INSL6: variants seen among roughly 807,000 people sequenced by gnomAD.
INSL6 encodes insulin like 6.
Under a neutral mutation model 9.4 loss-of-function variants are expected in INSL6, and 16 were observed. The ratio of observed to expected loss-of-function variants is 1.70; its 90% CI spans 1.15 to 2.59. INSL6 has a LOEUF of 2.59. INSL6 is among the 30% of genes most tolerant of loss of function. The pLI, the probability that INSL6 is intolerant of heterozygous loss-of-function variation, is 0.00. For missense variants in INSL6, 391 were observed against 257.3 expected, an observed-to-expected ratio of 1.52 and a Z score of -3.56; for synonymous variants, 154 against 96.9, an observed-to-expected ratio of 1.59 and a Z score of -3.46.
chr9:5,082,606 G>A, the INSL6 span, among the ~76,000 whole-genome samples: 1 of 152,184 alleles, frequency 6.6e-6, no homozygotes, highest in East Asian at 1.9e-4. Flanking sequence ...GCTGGGGGAC[G>A]GTCAGGTCTT....
At chr9:5,117,942 T>A in the INSL6 span, among the ~76,000 whole-genome samples, 1 of 152,218 alleles carries the variant, frequency 6.6e-6, no homozygotes, top group African/African-American at 2.4e-5. Flanking sequence ...TAAAAGAATT[T>A]AGAAAAACCA....
intron 2 of INSL6, among the ~76,000 whole-genome samples, chr9:5,156,238 A>G (rs1218885118): frequency 6.6e-6 from 1 of 152,206 alleles, no homozygotes; most frequent in East Asian, 1.9e-4. Flanking sequence ...AGCCAAAATA[A>G]CTTTATTGGT....
At position 5,135,391 on chromosome 9, in the gene INSL6, C is replaced by T. The variant is rs1239216847; in HGVS notation, c.377-1799G>A. Among the ~76,000 whole-genome samples, 3 of 152,170 alleles carry T rather than the reference C, an allele frequency of 2.0e-5. No individual in the cohort carries two copies. The East Asian group carries it at 5.8e-4, about 29-fold the overall frequency. ...TAATTGGAAGTAAAACACTCATCAGCAAATGCAAAAGAACAGAAATCATAA... is the reference window on the plus strand; with the variant it reads ...TAATTGGAAGTAAAACACTCATCAGTAAATGCAAAAGAACAGAAATCATAA... On this transcript the variant is annotated intron_variant, in intron 2 of 3. Transcript: ENST00000649639.
At chr9:5,158,822 G>C (rs1385968137) in intron 2 of INSL6, among the ~76,000 whole-genome samples, 1 of 152,014 alleles carries the variant, frequency 6.6e-6, no homozygotes, top group African/African-American at 2.4e-5. Flanking sequence ...ACACTAACTG[G>C]TAATAGTAGG....
At chr9:5,070,477 A>T in the INSL6 span, among the ~76,000 whole-genome samples, 1 of 152,176 alleles carries the variant, frequency 6.6e-6, no homozygotes, top group African/African-American at 2.4e-5. Context: ...ATCTGAGGAT[A>T]CTTAAGTGGA....
the INSL6 span, chr9:5,041,103 C>T: frequency 9.2e-6 from 7 of 761,964 alleles, no homozygotes; most frequent in Admixed American, 6.3e-5. Context: ...AGGACCTGTT[C>T]GACCTTCACG....
At chr9:4,994,960 C>T in the INSL6 span, among the ~76,000 whole-genome samples, 1 of 150,328 alleles carries the variant, frequency 6.7e-6, no homozygotes, top group South Asian at 2.1e-4. Flanking sequence ...GTGTGTGTGA[C>T]TATAACTAAA....
At chr9:5,028,920 T>C in the INSL6 span, among the ~76,000 whole-genome samples, 1 of 152,230 alleles carries the variant, frequency 6.6e-6, no homozygotes, top group South Asian at 2.1e-4. Context: ...TGTCACATCA[T>C]CAATAAGGCT....
At chr9:5,001,648 G>GT in the INSL6 span, among the ~76,000 whole-genome samples, 1 of 146,766 alleles carries the variant, frequency 6.8e-6, no homozygotes, top group Admixed American at 6.7e-5. Flanking sequence ...TTTATGATGT[G>GT]TTTTTGCCAG....
chr9:5,087,212 G>A, the INSL6 span, among the ~76,000 whole-genome samples: 1 of 152,216 alleles, frequency 6.6e-6, no homozygotes, highest in Admixed American at 6.5e-5. Context: ...GTTACCCATG[G>A]CTGGGGAGGC....
At chr9:5,160,744 GA>G (rs1251317566), downstream of INSL6, among the ~76,000 whole-genome samples, 4 of 152,058 alleles carry the variant, frequency 2.6e-5, no homozygotes, top group South Asian at 2.1e-4. Flanking sequence ...TAAAATTAGA[GA>G]TAAAAAGGAG....
chr9:5,045,165 T>G, the INSL6 span, among the ~76,000 whole-genome samples: 26 of 152,300 alleles, frequency 1.7e-4, no homozygotes, highest in African/African-American at 6.0e-4. Context: ...GCTAGACTAG[T>G]AGGAATAGAA....
chr9:5,051,832 A>C, the INSL6 span, among the ~76,000 whole-genome samples: 1 of 152,074 alleles, frequency 6.6e-6, no homozygotes, highest in African/African-American at 2.4e-5. Context: ...CAGAGTATCA[A>C]TTTCTGTATT....
the INSL6 span, chr9:5,078,453 TAGA>T: frequency 6.2e-7 from 1 of 1,608,108 alleles, no homozygotes; most frequent in Non-Finnish European, 8.5e-7. Flanking sequence ...CAGTAAGTTC[TAGA>T]AGGATTATAT....
chr9:5,138,135 G>C (rs748671955), intron 2 of INSL6, among the ~76,000 whole-genome samples: 3 of 152,214 alleles, frequency 2.0e-5, no homozygotes, highest in Non-Finnish European at 2.9e-5. Flanking sequence ...CTGTTGGTGG[G>C]AGTGTAAATT....
chr9:5,089,739 C>T, the INSL6 span: 12 of 1,578,964 alleles, frequency 7.6e-6, no homozygotes, highest in South Asian at 1.2e-5. Context: ...GGGAGGTGGT[C>T]GCTGTAAAAA....
chr9:5,155,147 A>G lies in INSL6; in HGVS notation c.376+9032T>C, dbSNP rs552109443. On this transcript the variant is annotated intron_variant, in intron 2 of 3. Transcript: ENST00000649639. ...ACACCATGGACTACTATGCAGCCAT[A>G]AAAAATGATGAGTTCATGTCCTTTG... Among the ~76,000 whole-genome samples the G allele has an allele frequency of 4.8e-3, 730 of 151,762 alleles. 6 individuals carry two copies. Among genetic ancestry groups the G allele is most frequent in the African/African-American group, 0.017 (698 of 41,168 alleles).
chr9:5,105,051 C>A, the INSL6 span, among the ~76,000 whole-genome samples: 1 of 152,178 alleles, frequency 6.6e-6, no homozygotes, highest in East Asian at 1.9e-4. Context: ...GTTAGAAGTT[C>A]TGGCCAGGGC....
At chr9:5,079,558 G>A in the INSL6 span, among the ~76,000 whole-genome samples, 1 of 151,324 alleles carries the variant, frequency 6.6e-6, no homozygotes, top group Admixed American at 6.6e-5. Flanking sequence ...GAACATCTCT[G>A]AATGATGTAA....
Sources: allele counts gnomAD v4.1 joint callset (sites outside exome capture counted in the v4.1 genomes callset), GRCh38; gene constraint gnomAD v4.1.1; transcripts MANE v1.5; gene names NCBI Gene and HGNC (gene_info 2026-07-23, HGNC 2026-07-21).